CNTNAP5: variants seen among roughly 807,000 people sequenced by gnomAD.
CNTNAP5 encodes contactin associated protein family member 5, also known as contactin-associated protein-like 5.
A neutral mutation model predicts 150.2 loss-of-function variants in CNTNAP5; 72 were observed. The ratio of observed to expected loss-of-function variants is 0.48; its 90% confidence interval spans 0.40 to 0.58. CNTNAP5 has a LOEUF of 0.58. CNTNAP5 is among the 20% of genes least tolerant of loss of function. CNTNAP5 has a pLI of 0.00. For synonymous variants in CNTNAP5, 672 were observed against 619.8 expected (o/e 1.08, Z -1.25); for missense variants, 1,636 against 1,626.2 (o/e 1.01, Z -0.10).
intron 3 of CNTNAP5, among the ~76,000 whole-genome samples, chr2:124,401,028 C>T (rs749954075): frequency 1.8e-4 from 27 of 152,150 alleles, no homozygotes; most frequent in South Asian, 4.2e-4. Context: ...CGTGCCACCA[C>T]GCTAATTTTT....
At position 124,872,407 on chromosome 2, in the gene CNTNAP5, T is replaced by C. The variant is rs912106557; in HGVS notation, c.3436+2645T>C. ...GTGTGTGTGTGTGTGTGTGTGTGTG[T>C]GTGTGTGTGCGTGCATGTGCGTTTG... On this transcript the variant is annotated intron_variant, in intron 21 of 23. Transcript: ENST00000682447. 3.8e-3 allele frequency among the ~76,000 whole-genome samples: 561 copies of C among 148,688 alleles called. 4 individuals carry two copies. The highest frequency in any genetic ancestry group is 0.014 in the African/African-American group (531 of 39,140).
At chr2:124,383,279 C>G (rs1478788499) in intron 3 of CNTNAP5, among the ~76,000 whole-genome samples, 1 of 152,220 alleles carries the variant, frequency 6.6e-6, no homozygotes, top group Non-Finnish European at 1.5e-5. Context: ...CCATCACCGT[C>G]TTGGAGCAAA....
intron 1 of CNTNAP5, among the ~76,000 whole-genome samples, chr2:124,218,632 G>A (rs1321506189): frequency 6.6e-6 from 1 of 152,098 alleles, no homozygotes; most frequent in Non-Finnish European, 1.5e-5. Context: ...CCTGGAAACT[G>A]AGATACAAGG....
intron 3 of CNTNAP5, among the ~76,000 whole-genome samples, chr2:124,349,606 T>C (rs1689823708): frequency 6.6e-6 from 1 of 152,208 alleles, no homozygotes; most frequent in South Asian, 2.1e-4. Context: ...AGAAGACTGA[T>C]TCTTTCAACA....
At chr2:124,530,495 C>A (rs1695080140) in intron 10 of CNTNAP5, among the ~76,000 whole-genome samples, 1 of 152,162 alleles carries the variant, frequency 6.6e-6, no homozygotes, top group Non-Finnish European at 1.5e-5. Context: ...ACCTTTGATA[C>A]TTCATCCTGA....
At chr2:124,677,644 G>A (rs1195340256) in intron 13 of CNTNAP5, among the ~76,000 whole-genome samples, 2 of 150,018 alleles carry the variant, frequency 1.3e-5, no homozygotes, top group East Asian at 3.9e-4. Context: ...GACACAGAGT[G>A]CTGATTGGTG....
intron 2 of CNTNAP5, among the ~76,000 whole-genome samples, chr2:124,240,835 A>G (rs528872893): frequency 6.6e-6 from 1 of 152,148 alleles, no homozygotes; most frequent in African/African-American, 2.4e-5. Context: ...TCTGCATTGC[A>G]GTCCTGTACT....
intron 7 of CNTNAP5, among the ~76,000 whole-genome samples, chr2:124,503,742 A>G (rs1694332027): frequency 6.6e-6 from 1 of 152,152 alleles, no homozygotes; most frequent in Non-Finnish European, 1.5e-5. Context: ...TAGAAATGGC[A>G]GTTTCCCTGG....
chr2:124,864,888 C>A (rs1677597160), intron 19 of CNTNAP5, among the ~76,000 whole-genome samples: 1 of 152,112 alleles, frequency 6.6e-6, no homozygotes, highest in Non-Finnish European at 1.5e-5. Flanking sequence ...GATAACAGGA[C>A]TGAGTTCTCT....
intron 19 of CNTNAP5, among the ~76,000 whole-genome samples, chr2:124,856,672 T>C (rs899964990): frequency 6.6e-6 from 1 of 152,134 alleles, no homozygotes; most frequent in African/African-American, 2.4e-5. Context: ...GAATTTCAAG[T>C]AGGATATAAA....
At chr2:124,292,949 T>C (rs1464725674) in intron 3 of CNTNAP5, among the ~76,000 whole-genome samples, 5 of 152,076 alleles carry the variant, frequency 3.3e-5, no homozygotes, top group African/African-American at 9.7e-5. Flanking sequence ...TTGAAAGATA[T>C]GTTTTTCAGA....
chr2:124,670,345 G>T (rs904261295), intron 13 of CNTNAP5, among the ~76,000 whole-genome samples: 2 of 151,692 alleles, frequency 1.3e-5, no homozygotes, highest in Non-Finnish European at 2.9e-5. Flanking sequence ...ATCTTTTCAT[G>T]TACTTGCTGG....
intron 11 of CNTNAP5, among the ~76,000 whole-genome samples, chr2:124,607,594 C>A (rs1466743692): frequency 6.6e-6 from 1 of 152,158 alleles, no homozygotes; most frequent in Non-Finnish European, 1.5e-5. Context: ...ACGGGAATTA[C>A]CTTAGAGGTT....
At chr2:124,877,353 C>A (rs1009151110) in intron 21 of CNTNAP5, among the ~76,000 whole-genome samples, 2 of 152,044 alleles carry the variant, frequency 1.3e-5, no homozygotes, top group African/African-American at 4.8e-5. Context: ...GTAAAAATAT[C>A]AATGATATGT....
At chr2:124,903,142 A>G (rs1678449050) in intron 22 of CNTNAP5, 42 bp downstream of exon 22, 1 of 1,291,590 alleles carries the variant, frequency 7.7e-7, no homozygotes, top group Admixed American at 2.6e-5. Context: ...TGTCACTAGC[A>G]CTACTTTTTG....
At chr2:124,805,916 G>A (rs1278843696) in intron 19 of CNTNAP5, among the ~76,000 whole-genome samples, 1 of 152,158 alleles carries the variant, frequency 6.6e-6, no homozygotes, top group African/African-American at 2.4e-5. Flanking sequence ...AATCCTATAG[G>A]ATGAGAGGCC....
intron 19 of CNTNAP5, among the ~76,000 whole-genome samples, chr2:124,821,379 G>A (rs1682488803): frequency 6.6e-6 from 1 of 152,150 alleles, no homozygotes; most frequent in Non-Finnish European, 1.5e-5. Context: ...ACGGCAGCAG[G>A]CACCAGAATC....
At chr2:124,388,138 C>T (rs1388286303) in intron 3 of CNTNAP5, among the ~76,000 whole-genome samples, 1 of 152,146 alleles carries the variant, frequency 6.6e-6, no homozygotes, top group Non-Finnish European at 1.5e-5. Flanking sequence ...ACGTTAACTC[C>T]CCATGCTTTC....
At chr2:124,320,267 C>T (rs1369086756) in intron 3 of CNTNAP5, among the ~76,000 whole-genome samples, 2 of 152,184 alleles carry the variant, frequency 1.3e-5, no homozygotes, top group African/African-American at 4.8e-5. Flanking sequence ...TCCTCAAAGG[C>T]TGTCACAATA....
Sources: gnomAD v4.1 joint callset for allele counts (sites outside exome capture counted in the v4.1 genomes callset) on GRCh38, gnomAD v4.1.1 for gene constraint, MANE v1.5 for transcripts, NCBI Gene and HGNC (gene_info 2026-07-23, HGNC 2026-07-21) for gene names.